Variants in GALNT17 observed in about 807,000 individuals in gnomAD.
The protein encoded by GALNT17 is polypeptide N-acetylgalactosaminyltransferase 17, also known as UDP-GalNAc:polypeptide N-acetylgalactosaminyltransferase-like 3.
A neutral mutation model predicts 63.7 loss-of-function variants in GALNT17; 29 were observed. The ratio of observed to expected loss-of-function variants is 0.46; its 90% CI spans 0.34 to 0.62. The LOEUF (loss-of-function observed/expected upper bound fraction) is 0.62, where lower values mean the gene tolerates loss of function less well. GALNT17 is among the 20% of genes least tolerant of loss of function. The probability of loss-of-function intolerance (pLI) is 0.01; values close to 1 mark genes in which losing one functional copy is unlikely to be tolerated. For synonymous variants in GALNT17, 305 were observed against 318.3 expected (o/e 0.96, Z 0.45); for missense variants, 603 against 799.6 (o/e 0.75, Z 2.97).
chr7:71,516,615 G>T (rs1216902137), intron 5 of GALNT17, among the ~76,000 whole-genome samples: 1 of 152,178 alleles, frequency 6.6e-6, no homozygotes, highest in African/African-American at 2.4e-5. Flanking sequence ...GTGCTCTGCA[G>T]GTGTATAGGG....
intron 1 of GALNT17, among the ~76,000 whole-genome samples, chr7:71,315,266 T>C (rs1310776439): frequency 6.6e-6 from 1 of 152,238 alleles, no homozygotes; most frequent in Non-Finnish European, 1.5e-5. Flanking sequence ...TGTTTATCTA[T>C]CCAACAGCTG....
intron 1 of GALNT17, among the ~76,000 whole-genome samples, chr7:71,184,842 G>A (rs1345630934): frequency 2.0e-5 from 3 of 152,070 alleles, no homozygotes; most frequent in Non-Finnish European, 4.4e-5. Flanking sequence ...GGAGTTTTAG[G>A]GCAGTGTATA....
At chr7:71,457,440 G>A (rs1354837992) in intron 5 of GALNT17, among the ~76,000 whole-genome samples, 1 of 152,138 alleles carries the variant, frequency 6.6e-6, no homozygotes, top group Non-Finnish European at 1.5e-5. Flanking sequence ...AAAGAATTCA[G>A]GACAAGTCCG....
chr7:71,326,528 A>G (rs901556046), intron 1 of GALNT17, among the ~76,000 whole-genome samples: 1 of 152,036 alleles, frequency 6.6e-6, no homozygotes. Context: ...CCAACTTCCA[A>G]CTCAAAGACG....
At chr7:71,518,019 G>A (rs1199579607) in intron 5 of GALNT17, among the ~76,000 whole-genome samples, 2 of 152,302 alleles carry the variant, frequency 1.3e-5, no homozygotes, top group African/African-American at 4.8e-5. Context: ...GACAGCATAT[G>A]TCCCTGGTCT....
chr7:71,262,634 G>A (rs1360920796), intron 1 of GALNT17, among the ~76,000 whole-genome samples: 1 of 151,322 alleles, frequency 6.6e-6, no homozygotes, highest in Non-Finnish European at 1.5e-5. Context: ...CTTTAGAGTG[G>A]GCCTTAATCC....
intron 3 of GALNT17, among the ~76,000 whole-genome samples, chr7:71,401,210 C>CCT (rs1165872114): frequency 6.6e-6 from 1 of 151,806 alleles, no homozygotes; most frequent in Non-Finnish European, 1.5e-5. Context: ...GATTCTCCTG[C>CCT]CTCAGCCTCC....
chr7:71,428,552 C>T (rs932502654), intron 5 of GALNT17, among the ~76,000 whole-genome samples: 1 of 152,110 alleles, frequency 6.6e-6, no homozygotes, highest in African/African-American at 2.4e-5. Flanking sequence ...AATTCTTCTG[C>T]CTCAGCTTCC....
intron 1 of GALNT17, among the ~76,000 whole-genome samples, chr7:71,286,798 GT>G (rs200429184): frequency 1.0e-4 from 15 of 149,692 alleles, no homozygotes; most frequent in Non-Finnish European, 2.1e-4. Flanking sequence ...TTGTTTGTTT[GT>G]TTTTTTGAGA....
intron 2 of GALNT17, among the ~76,000 whole-genome samples, chr7:71,372,093 G>A (rs376367095): frequency 4.6e-5 from 7 of 152,134 alleles, no homozygotes; most frequent in South Asian, 2.1e-4. Context: ...TGATCTTCCC[G>A]CGGCAGCTTC....
chr7:71,159,762 A>G (rs1237015963), intron 1 of GALNT17, among the ~76,000 whole-genome samples: 7 of 150,052 alleles, frequency 4.7e-5, no homozygotes, highest in Non-Finnish European at 8.8e-5. Context: ...GTGTCAGTTA[A>G]GAGAGCCTCT....
At chr7:71,382,201 G>A (rs1792859182) in intron 2 of GALNT17, among the ~76,000 whole-genome samples, 1 of 152,146 alleles carries the variant, frequency 6.6e-6, no homozygotes, top group Non-Finnish European at 1.5e-5. Flanking sequence ...ACAACATGGT[G>A]AAACCTCGTC....
chr7:71,170,180 G>C (rs1156543150), intron 1 of GALNT17, among the ~76,000 whole-genome samples: 1 of 152,092 alleles, frequency 6.6e-6, no homozygotes, highest in Non-Finnish European at 1.5e-5. Context: ...CCTTGATAGT[G>C]AATGTTGTGT....
chr7:71,454,506 C>G (rs1787320371), intron 5 of GALNT17, among the ~76,000 whole-genome samples: 1 of 152,104 alleles, frequency 6.6e-6, no homozygotes. Context: ...AACTTTATTT[C>G]TCATAAATGG....
chr7:71,309,496 A>G (rs1436940863), intron 1 of GALNT17, among the ~76,000 whole-genome samples: 1 of 152,114 alleles, frequency 6.6e-6, no homozygotes, highest in African/African-American at 2.4e-5. Context: ...AGAGAAAACC[A>G]TGCCTTCGTC....
intron 1 of GALNT17, among the ~76,000 whole-genome samples, chr7:71,329,371 T>C (rs1039960704): frequency 6.6e-6 from 1 of 152,176 alleles, no homozygotes; most frequent in Non-Finnish European, 1.5e-5. Context: ...CATGCAGTAT[T>C]GGACACATTA....
chr7:71,200,846 A>G (rs1314840540), intron 1 of GALNT17, among the ~76,000 whole-genome samples: 1 of 152,036 alleles, frequency 6.6e-6, no homozygotes, highest in Non-Finnish European at 1.5e-5. Flanking sequence ...TTCTATACCT[A>G]GCATCTAGAC....
chr7:71,369,343 T>C (rs1194153082), intron 2 of GALNT17, among the ~76,000 whole-genome samples: 1 of 152,008 alleles, frequency 6.6e-6, no homozygotes, highest in East Asian at 1.9e-4. Flanking sequence ...TATGGAGAGA[T>C]TTATTGTTGC....
intron 1 of GALNT17, among the ~76,000 whole-genome samples, chr7:71,299,519 T>G (rs1023833469): frequency 5.3e-5 from 8 of 152,278 alleles, no homozygotes; most frequent in Non-Finnish European, 1.2e-4. Flanking sequence ...TTCCACAGAT[T>G]TACAGTCTCA....
Sources: gnomAD v4.1 joint callset for allele counts (sites outside exome capture counted in the v4.1 genomes callset) on GRCh38, gnomAD v4.1.1 for gene constraint, MANE v1.5 for transcripts, NCBI Gene and HGNC (gene_info 2026-07-23, HGNC 2026-07-21) for gene names.